Variants in GFM1 observed in about 807,000 individuals in gnomAD.
The protein encoded by GFM1 is elongation factor G, mitochondrial.
GFM1 carries 62 observed loss-of-function variants against 96.2 expected under a neutral mutation model. That is an observed-to-expected ratio of 0.64 (90% CI 0.53 to 0.80). The LOEUF (loss-of-function observed/expected upper bound fraction) is 0.80, where lower values mean the gene tolerates loss of function less well. GFM1 is among the 30% of genes least tolerant of loss of function. The pLI, the probability that GFM1 is intolerant of heterozygous loss-of-function variation, is 0.00. For missense variants in GFM1, 852 were observed against 916.6 expected, an observed-to-expected ratio of 0.93 and a Z score of 0.91; for synonymous variants, 282 against 312.9, an observed-to-expected ratio of 0.90 and a Z score of 1.04.
intron 5 of GFM1, chr3:158,649,973 G>A: frequency 1.3e-6 from 2 of 1,517,330 alleles, no homozygotes; most frequent in African/African-American, 1.4e-5. Context: ...GTTCTGAGGA[G>A]TGACCTCTGT....
chr3:158,685,784 G>A (rs973599557), intron 15 of GFM1, among the ~76,000 whole-genome samples: 2 of 152,130 alleles, frequency 1.3e-5, no homozygotes, highest in South Asian at 2.1e-4. Context: ...AAATGACAAA[G>A]AAAATGAGAC....
chr3:158,689,550 A>G (rs1353705545), intron 15 of GFM1, among the ~76,000 whole-genome samples: 1 of 152,110 alleles, frequency 6.6e-6, no homozygotes. Flanking sequence ...ACTGCCTGCC[A>G]GGGACCACAA....
rs562202513 is a variant in GFM1, at chr3:158,665,418, A to G, written c.1462A>G (p.Asn488Asp). The G allele has an allele frequency of 5.0e-6, 8 of 1,610,568 alleles. No individual in the cohort carries two copies. The highest frequency in any genetic ancestry group is 1.7e-4 in the Middle Eastern group (1 of 6,050). Residue 488 changes from asparagine (N) to aspartate (D), a missense_variant, in exon 12 of 18, where the codon AAC (asparagine) becomes GAC (aspartate). Physicochemically the swap from Asn to Asp is conservative, Grantham distance 23. Transcript: ENST00000486715. ...PTFKVYFDTE[N>D]KETVISGMGE... ...ATTTAAAGTATACTTTGACACTGAG[A>G]ACAAAGAGACAGTTATATCTGGAAT... is the stretch of plus-strand genomic sequence containing the variant.
chr3:158,662,173 C>T (rs1026752840), intron 10 of GFM1, among the ~76,000 whole-genome samples: 5 of 151,168 alleles, frequency 3.3e-5, no homozygotes, highest in African/African-American at 9.9e-5. Flanking sequence ...GGGGATAATA[C>T]CTGCTTCTCA....
intron 15 of GFM1, among the ~76,000 whole-genome samples, chr3:158,689,140 C>T (rs1726102582): frequency 2.0e-5 from 3 of 152,098 alleles, no homozygotes; most frequent in African/African-American, 4.8e-5. Flanking sequence ...AAATGTTTGA[C>T]GTTTTATTAT....
chr3:158,660,871 T>G lies in GFM1; in HGVS notation c.1222-3T>G, dbSNP rs548144170. 6.2e-7 allele frequency: 1 copy of G among 1,611,952 alleles called. No individual in the cohort carries two copies. The highest frequency in any genetic ancestry group is 1.7e-5 in the Admixed American group (1 of 60,022). On this transcript the variant is annotated splice_polypyrimidine_tract_variant and splice_region_variant and intron_variant, in intron 9 of 17. Transcript: ENST00000486715. ...TATAATTTTGTGTTATTTGTTTTTT[T>G]AGGATGTTGAGGAAGTATATGCCGG...
At chr3:158,663,235 A>C (rs1723333915) in intron 11 of GFM1, among the ~76,000 whole-genome samples, 1 of 152,198 alleles carries the variant, frequency 6.6e-6, no homozygotes, top group Non-Finnish European at 1.5e-5. Context: ...GCTTTTAATA[A>C]ATCCAAAATT....
chr3:158,660,832 G>T, intron 9 of GFM1, 42 bp from the exon 10 acceptor site: 2 of 1,520,504 alleles, frequency 1.3e-6, no homozygotes, highest in Non-Finnish European at 1.8e-6. Context: ...ATCTTTATTT[G>T]TATTACTTGC....
chr3:158,684,372 G>C, intron 14 of GFM1, 152 bp from the exon 15 acceptor site: 2 of 729,442 alleles, frequency 2.7e-6, no homozygotes, highest in Non-Finnish European at 4.6e-6. Flanking sequence ...AAATAGTAAA[G>C]TTGTTAAACA....
chr3:158,654,706 A>C (rs1253170834), intron 8 of GFM1, 75 bp downstream of exon 8: 1 of 978,616 alleles, frequency 1.0e-6, no homozygotes, highest in Non-Finnish European at 1.7e-6. Context: ...CTATTACAGA[A>C]TGACTCTGAC....
At position 158,694,032 on chromosome 3, in the gene GFM1, G is replaced by A. The variant is rs1726465409; in HGVS notation, c.*2565G>A. On this transcript the variant is annotated 3_prime_UTR_variant, in exon 18 of 18. Coordinates refer to ENST00000486715, the MANE Select transcript of GFM1 (RefSeq NM_024996.7). ...TTAACAACTGTTTTTTTTTTTAAGAGATGGGGTCTTCTAAGACAAAAACCA... is the reference window on the plus strand; with the variant it reads ...TTAACAACTGTTTTTTTTTTTAAGAAATGGGGTCTTCTAAGACAAAAACCA... 1.3e-5 allele frequency among the ~76,000 whole-genome samples: 2 copies of A among 151,320 alleles called. No homozygotes were observed. Among genetic ancestry groups the A allele is most frequent in the African/African-American group, 4.9e-5 (2 of 41,180 alleles).
intron 13 of GFM1, chr3:158,669,267 A>G (rs1724031854): frequency 8.2e-7 from 1 of 1,218,684 alleles, no homozygotes; most frequent in African/African-American, 1.6e-5. Context: ...ATGGATCTAT[A>G]AAATTTCTGA....
chr3:158,678,063 A>G (rs1389041537), intron 13 of GFM1, among the ~76,000 whole-genome samples: 1 of 152,226 alleles, frequency 6.6e-6, no homozygotes, highest in Non-Finnish European at 1.5e-5. Flanking sequence ...CAAAGCCTGG[A>G]TGACAGCATG....
chr3:158,679,103 G>A (rs1017359890), intron 13 of GFM1, among the ~76,000 whole-genome samples: 1 of 152,160 alleles, frequency 6.6e-6, no homozygotes. Context: ...GACCCTCTAG[G>A]CTCCTAGACC....
Position 158,694,975 on chromosome 3 carries a change from T to C in GFM1, c.*3508T>C, listed in dbSNP as rs1487552589. On this transcript the variant is annotated 3_prime_UTR_variant, in exon 18 of 18. Coordinates refer to ENST00000486715, the MANE Select transcript of GFM1 (RefSeq NM_024996.7). ...TTAGACTGTTAATGAAAAGAGGACA[T>C]AGGGAATAGTTTTTCATTTTATGCC... Among the ~76,000 whole-genome samples the C allele has an allele frequency of 6.6e-6, 1 of 152,182 alleles. No individual in the cohort carries two copies. The highest frequency in any genetic ancestry group is 1.5e-5 in the Non-Finnish European group (1 of 68,018).
intron 5 of GFM1, among the ~76,000 whole-genome samples, chr3:158,651,554 A>G (rs937384974): frequency 6.6e-6 from 1 of 152,368 alleles, no homozygotes; most frequent in South Asian, 2.1e-4. Context: ...CATTATAAGT[A>G]TTCAGTAAAT....
Position 158,682,287 on chromosome 3 carries a change from T to A in GFM1, c.1764+130T>A, listed in dbSNP as rs1287235871. The A allele has an allele frequency of 2.8e-5, 21 of 751,886 alleles. No homozygotes were observed. In the South Asian group the frequency reaches 3.4e-4, roughly 12 times the overall value. 46.6% of individuals were successfully genotyped at this position (751,886 alleles called of 1,614,324 possible). A position where few individuals can be genotyped will look rare whatever the true frequency, so the allele number is the denominator to read the frequency against. The stretch of plus-strand genomic sequence containing the variant: ...TTAGTTACAGTCCTGTTTCTCTGAT[T>A]GTTAAGCTTTCCATCTGATTTAGAA... On this transcript the variant is annotated intron_variant, in intron 14 of 17. Coordinates refer to ENST00000486715, the MANE Select transcript of GFM1 (RefSeq NM_024996.7).
At chr3:158,649,318 C>T (rs1722105303) in intron 5 of GFM1, 161 bp downstream of exon 5, 1 of 521,368 alleles carries the variant, frequency 1.9e-6, no homozygotes, top group Non-Finnish European at 3.4e-6. Context: ...CTAGTCGCTC[C>T]CCATTTTATT....
At chr3:158,665,824 C>T (rs1329709225) in intron 12 of GFM1, among the ~76,000 whole-genome samples, 1 of 152,114 alleles carries the variant, frequency 6.6e-6, no homozygotes, top group African/African-American at 2.4e-5. Flanking sequence ...CAGGCCATTT[C>T]TTCTCAAGTC....
Sources: allele counts gnomAD v4.1 joint callset (sites outside exome capture counted in the v4.1 genomes callset), GRCh38; gene constraint gnomAD v4.1.1; transcripts MANE v1.5; gene names NCBI Gene and HGNC (gene_info 2026-07-23, HGNC 2026-07-21).